GULP1: variants seen among roughly 807,000 people sequenced by gnomAD.
GULP1 encodes the protein GULP PTB domain containing engulfment adaptor 1.
In GULP1, 19 loss-of-function variants were observed where a neutral mutation model predicts 40.9. The ratio of observed to expected loss-of-function variants is 0.46; its 90% CI spans 0.32 to 0.68. GULP1 has a LOEUF of 0.68. Ranked by LOEUF, GULP1 falls within the 30% of genes least tolerant of loss-of-function variation. The pLI, the probability that GULP1 is intolerant of heterozygous loss-of-function variation, is 0.03. For synonymous variants in GULP1, 119 were observed against 117.6 expected (o/e 1.01, Z -0.08); for missense variants, 312 against 362.2 (o/e 0.86, Z 1.12).
intron 2 of GULP1, among the ~76,000 whole-genome samples, chr2:188,430,355 C>CA (rs1333815257): frequency 6.6e-6 from 1 of 152,070 alleles, no homozygotes; most frequent in Non-Finnish European, 1.5e-5. Flanking sequence ...AGCTAGTTAT[C>CA]AAAAAGGTAA....
chr2:188,432,398 A>AT lies in GULP1; in HGVS notation c.-44-45251dup, dbSNP rs924263170. Among the ~76,000 whole-genome samples, 515 of 148,954 alleles carry AT rather than the reference A, an allele frequency of 3.5e-3. 4 individuals are homozygous for AT. The highest frequency in any genetic ancestry group is 0.011 in the African/African-American group (440 of 40,874). On this transcript the variant is annotated intron_variant, in intron 2 of 11. Coordinates refer to ENST00000409830, the MANE Select transcript of GULP1 (RefSeq NM_016315.4). ...ATTTAAAGTTATTTTTCTGTTAATCATTTTTTTTTTAGTCTGTGACTATCG... is the reference window on the plus strand; with the variant it reads ...ATTTAAAGTTATTTTTCTGTTAATCATTTTTTTTTTTAGTCTGTGACTATCG...
At chr2:188,309,185 G>T (rs1396664904) in intron 1 of GULP1, among the ~76,000 whole-genome samples, 4 of 152,164 alleles carry the variant, frequency 2.6e-5, no homozygotes, top group African/African-American at 4.8e-5. Flanking sequence ...GAAGGAATTG[G>T]CTAGGCTTGG....
chr2:188,556,326 A>G (rs893020866), intron 7 of GULP1, among the ~76,000 whole-genome samples: 1 of 152,082 alleles, frequency 6.6e-6, no homozygotes. Context: ...GATCTAGTCT[A>G]TTATCGAAGA....
At chr2:188,400,152 A>G (rs987719839) in intron 2 of GULP1, among the ~76,000 whole-genome samples, 1 of 151,966 alleles carries the variant, frequency 6.6e-6, no homozygotes, top group Non-Finnish European at 1.5e-5. Flanking sequence ...TTTTTTTTCC[A>G]GCTTCTAGTG....
At chr2:188,509,223 C>T (rs1559324574) in intron 4 of GULP1, among the ~76,000 whole-genome samples, 1 of 152,024 alleles carries the variant, frequency 6.6e-6, no homozygotes, top group Non-Finnish European at 1.5e-5. Flanking sequence ...CTGTAGGAGG[C>T]CACCGACATT....
At chr2:188,324,061 C>T (rs1466805026) in intron 1 of GULP1, among the ~76,000 whole-genome samples, 1 of 152,026 alleles carries the variant, frequency 6.6e-6, no homozygotes, top group Non-Finnish European at 1.5e-5. Context: ...ATGTGCTTAG[C>T]ATAGCAAAAT....
chr2:188,338,994 C>T (rs949114829), intron 1 of GULP1, among the ~76,000 whole-genome samples: 2 of 152,096 alleles, frequency 1.3e-5, no homozygotes, highest in African/African-American at 4.8e-5. Flanking sequence ...GTACAATGCT[C>T]TTTATGATGA....
intron 1 of GULP1, among the ~76,000 whole-genome samples, chr2:188,366,989 A>G (rs778567981): frequency 7.2e-5 from 11 of 152,184 alleles, no homozygotes; most frequent in Non-Finnish European, 1.5e-4. Context: ...TTTCCTCTAT[A>G]TTAGACAATA....
chr2:188,564,041 A>G (rs564902648), intron 7 of GULP1, among the ~76,000 whole-genome samples: 29 of 152,158 alleles, frequency 1.9e-4, no homozygotes, highest in Non-Finnish European at 3.4e-4. Context: ...CAGCAAGTAC[A>G]GAAAAGCCAC....
At chr2:188,432,341 A>G (rs1027463151) in intron 2 of GULP1, among the ~76,000 whole-genome samples, 9 of 151,826 alleles carry the variant, frequency 5.9e-5, no homozygotes, top group African/African-American at 2.2e-4. Context: ...ATTACTTATG[A>G]AAAACTGAGA....
rs1025200922 is a variant in GULP1, at chr2:188,327,440, G to C, written c.-172+35274G>C. Among the ~76,000 whole-genome samples, 13 of 152,046 alleles carry C rather than the reference G, an allele frequency of 8.6e-5. 1 individual carries two copies. The highest frequency in any genetic ancestry group is 3.1e-4 in the African/African-American group (13 of 41,378). On this transcript the variant is annotated intron_variant, in intron 1 of 11. Transcript: ENST00000409830. ...AGAGAAGTGTGTTTACTTTTCTAATGCTCCTTACAAGTTTCCTTGGGACTG... is the reference window on the plus strand; with the variant it reads ...AGAGAAGTGTGTTTACTTTTCTAATCCTCCTTACAAGTTTCCTTGGGACTG...
intron 1 of GULP1, among the ~76,000 whole-genome samples, chr2:188,348,480 C>A (rs1320533943): frequency 6.6e-6 from 1 of 152,108 alleles, no homozygotes; most frequent in Non-Finnish European, 1.5e-5. Flanking sequence ...CTCAGTGTTC[C>A]TGTAGATTAA....
intron 3 of GULP1, among the ~76,000 whole-genome samples, chr2:188,480,983 T>C (rs2061405577): frequency 6.6e-6 from 1 of 151,996 alleles, no homozygotes; most frequent in South Asian, 2.1e-4. Context: ...GTTTCACCAT[T>C]GTAAGCTCTG....
intron 1 of GULP1, among the ~76,000 whole-genome samples, chr2:188,317,354 T>C (rs2039255726): frequency 6.6e-6 from 1 of 152,184 alleles, no homozygotes. Context: ...CAAGATATAC[T>C]GGAAGTAAAG....
At chr2:188,425,188 A>C (rs1383307033) in intron 2 of GULP1, among the ~76,000 whole-genome samples, 1 of 152,126 alleles carries the variant, frequency 6.6e-6, no homozygotes, top group South Asian at 2.1e-4. Flanking sequence ...TATACAGGAA[A>C]GTCAAGATAA....
intron 2 of GULP1, among the ~76,000 whole-genome samples, chr2:188,449,330 G>C (rs970323492): frequency 6.6e-6 from 1 of 152,096 alleles, no homozygotes; most frequent in Non-Finnish European, 1.5e-5. Context: ...AGTGGGTTCT[G>C]TTTTACTATT....
intron 2 of GULP1, among the ~76,000 whole-genome samples, chr2:188,389,711 C>G (rs72909568): frequency 1.3e-5 from 2 of 152,056 alleles, no homozygotes; most frequent in African/African-American, 2.4e-5. Flanking sequence ...ACACTTGTCA[C>G]CTGAGTAGTG....
At chr2:188,473,027 A>G (rs1470359550) in intron 2 of GULP1, among the ~76,000 whole-genome samples, 1 of 141,528 alleles carries the variant, frequency 7.1e-6, no homozygotes, top group Non-Finnish European at 1.7e-5. Context: ...TGTGGTTCTT[A>G]GAGACTCATA....
At chr2:188,589,318 A>C (rs1460166864) in intron 11 of GULP1, 2 of 152,800 alleles carry the variant, frequency 1.3e-5, no homozygotes, top group East Asian at 3.8e-4. Flanking sequence ...TCTATATTTC[A>C]AACGCTATGA....
Sources: allele counts gnomAD v4.1 joint callset (sites outside exome capture counted in the v4.1 genomes callset), GRCh38; gene constraint gnomAD v4.1.1; transcripts MANE v1.5; gene names NCBI Gene and HGNC (gene_info 2026-07-23, HGNC 2026-07-21).